DENND5A: variants seen among roughly 807,000 people sequenced by gnomAD.
The protein encoded by DENND5A is DENN domain-containing protein 5A.
A neutral mutation model predicts 140.3 loss-of-function variants in DENND5A; 64 were observed. That is an observed-to-expected ratio of 0.46 (90% confidence interval 0.37 to 0.56). DENND5A has a LOEUF of 0.56. DENND5A is among the 20% of genes least tolerant of loss of function. DENND5A has a pLI of 0.00. For synonymous variants in DENND5A, 605 were observed against 607.7 expected (o/e 1.00, Z 0.07); for missense variants, 1,292 against 1,593.8 (o/e 0.81, Z 3.22).
At position 9,174,559 on chromosome 11, in the gene DENND5A, G is replaced by A. The variant is rs559718574; in HGVS notation, c.1906+3573C>T. On this transcript the variant is annotated intron_variant, in intron 8 of 22. Transcript: ENST00000328194. ...GAAAAAAAAATTAAAAATTAGCCAG[G>A]CATGGCGGCACACATCTACTGTCCT... Among the ~76,000 whole-genome samples, 45 of 148,772 alleles carry A rather than the reference G, an allele frequency of 3.0e-4. 1 individual carries two copies. The highest frequency in any genetic ancestry group is 7.1e-3 in the Middle Eastern group (2 of 280).
At chr11:9,201,532 T>C (rs1291872605) in intron 4 of DENND5A, among the ~76,000 whole-genome samples, 2 of 152,000 alleles carry the variant, frequency 1.3e-5, no homozygotes, top group African/African-American at 2.4e-5. Context: ...TAGCCAAGCA[T>C]GGTGGTGCAT....
intron 1 of DENND5A, among the ~76,000 whole-genome samples, chr11:9,233,100 A>G (rs1469769594): frequency 6.6e-6 from 1 of 152,186 alleles, no homozygotes; most frequent in Non-Finnish European, 1.5e-5. Flanking sequence ...TCTTGCTCAC[A>G]TCCTAAGAAA....
chr11:9,265,169 G>C lies in DENND5A; in HGVS notation c.-100C>G. 5 of 612,950 alleles carry C rather than the reference G, an allele frequency of 8.2e-6. No individual in the cohort carries two copies. Among genetic ancestry groups the C allele is most frequent in the Non-Finnish European group, 8.2e-6 (4 of 488,002 alleles). The allele number at this position is 612,950 out of a possible 1,614,324, so 38.0% of individuals were successfully genotyped here. ...CCCTCAGGCCGCCCCTCCCGCCGCCGCCGCTACCGCGGCTCGGGCCGCCGC... is the reference window on the plus strand; with the variant it reads ...CCCTCAGGCCGCCCCTCCCGCCGCCCCCGCTACCGCGGCTCGGGCCGCCGC... On this transcript the variant is annotated 5_prime_UTR_variant, in exon 1 of 23. Transcript: ENST00000328194. The surrounding 1 kb of genome is among the most constrained non-coding windows in gnomAD (Gnocchi z 4.7).
chr11:9,164,462 G>A (rs1316270577), intron 11 of DENND5A, among the ~76,000 whole-genome samples: 1 of 151,926 alleles, frequency 6.6e-6, no homozygotes, highest in African/African-American at 2.4e-5. Context: ...GAAAGTGCAG[G>A]AGACTATTTT....
In DENND5A at chr11:9,203,878, A is replaced by G; in HGVS notation, c.731T>C (p.Ile244Thr). The change falls in exon 4 of 23, where the codon ATA becomes ACA. Residue 244 changes from isoleucine (I) to threonine (T), a missense_variant. Ile to Thr is a moderately conservative substitution (Grantham distance 89, BLOSUM62 -1). This residue lies in a region of DENND5A where 566 missense variants were observed against 650.4 expected (regional missense o/e 0.87). Coordinates refer to ENST00000328194, the MANE Select transcript of DENND5A (RefSeq NM_015213.4). ...QPPPLPLESYIYNVLYEVPLP... is the reference protein window; with the variant it reads ...QPPPLPLESYTYNVLYEVPLP... ...CGGCACCTCGTAGAGTACGTTGTATATGTAGCTCTCAAGGGGCAGTGGAGG... is the reference window on the plus strand; with the variant it reads ...CGGCACCTCGTAGAGTACGTTGTATGTGTAGCTCTCAAGGGGCAGTGGAGG... 3 of 1,614,160 alleles carry G rather than the reference A, an allele frequency of 1.9e-6. No individual in the cohort carries two copies. Among genetic ancestry groups the G allele is most frequent in the Non-Finnish European group, 2.5e-6 (3 of 1,180,032 alleles).
chr11:9,258,396 G>A (rs1362236391), intron 1 of DENND5A, among the ~76,000 whole-genome samples: 3 of 150,624 alleles, frequency 2.0e-5, no homozygotes, highest in Non-Finnish European at 4.4e-5. Context: ...CTGTTCTTGT[G>A]ATAGTTTGCT....
At chr11:9,235,866 G>A (rs1313895017) in intron 1 of DENND5A, among the ~76,000 whole-genome samples, 1 of 152,098 alleles carries the variant, frequency 6.6e-6, no homozygotes, top group African/African-American at 2.4e-5. Context: ...ATTTTCTTTT[G>A]AGGAGATGAA....
chr11:9,140,996 CA>C (rs1847219498), intron 22 of DENND5A, among the ~76,000 whole-genome samples: 1 of 152,148 alleles, frequency 6.6e-6, no homozygotes, highest in African/African-American at 2.4e-5. Context: ...CGTGATGGCG[CA>C]TGCCTGTAAT....
chr11:9,214,251 T>C (rs1448854759), intron 1 of DENND5A, among the ~76,000 whole-genome samples: 3 of 152,240 alleles, frequency 2.0e-5, no homozygotes, highest in African/African-American at 7.2e-5. Context: ...TTCAACTCTC[T>C]GGCTGCTCCA....
At chr11:9,176,447 A>C (rs1403777810) in intron 8 of DENND5A, among the ~76,000 whole-genome samples, 1 of 152,218 alleles carries the variant, frequency 6.6e-6, no homozygotes, top group Non-Finnish European at 1.5e-5. Flanking sequence ...AGCTGAAACC[A>C]TTCTCTAGCT....
rs1554933945 is a variant in DENND5A, at chr11:9,243,103, AAC to A, written c.109+21856_109+21857del. ...ACTCTGTCTCAAAAAAAAAAAAAAA[AAC>A]AAAAAAAAAAACTGAGGCGAGTAAG... On this transcript the variant is annotated intron_variant, in intron 1 of 22. Transcript: ENST00000328194. Among the ~76,000 whole-genome samples the A allele has an allele frequency of 1.2e-4, 16 of 138,128 alleles. 1 individual carries two copies. The highest frequency in any genetic ancestry group is 1.6e-4 in the African/African-American group (5 of 30,526). The allele number at this position is 138,128 out of a possible 152,430, so 90.6% of individuals were successfully genotyped here.
chr11:9,145,867 T>C lies in DENND5A; in HGVS notation c.2858-52A>G, dbSNP rs189091979. The C allele has an allele frequency of 4.1e-4, 661 of 1,599,128 alleles. 1 individual carries two copies. Among genetic ancestry groups the C allele is most frequent in the Non-Finnish European group, 5.3e-4 (614 of 1,167,936 alleles). ...TGAGGAGAATTAGGAATCTTTCCCA[T>C]ACCAGATGGGACTCTGACCTGCTCC... is the stretch of plus-strand genomic sequence containing the variant. On this transcript the variant is annotated intron_variant, in intron 16 of 22. Transcript: ENST00000328194.
chr11:9,221,554 T>C (rs1850312449), intron 1 of DENND5A, among the ~76,000 whole-genome samples: 2 of 151,942 alleles, frequency 1.3e-5, no homozygotes, highest in East Asian at 1.9e-4. Flanking sequence ...TTAGTAGAGA[T>C]GGGGTTTCAC....
intron 1 of DENND5A, among the ~76,000 whole-genome samples, chr11:9,249,997 T>C (rs1271407542): frequency 6.6e-6 from 1 of 151,556 alleles, no homozygotes; most frequent in Non-Finnish European, 1.5e-5. Flanking sequence ...CAATTATTCT[T>C]TCTAAACCAT....
chr11:9,144,333 G>A, intron 18 of DENND5A, 55 bp from the exon 19 acceptor site: 4 of 1,577,432 alleles, frequency 2.5e-6, no homozygotes, highest in Non-Finnish European at 3.5e-6. Context: ...GCTGCTCACA[G>A]GAAGAGCCAT....
At position 9,223,053 on chromosome 11, in the gene DENND5A, T is replaced by C. The variant is rs188504207; in HGVS notation, c.110-15421A>G. Among the ~76,000 whole-genome samples the C allele has an allele frequency of 1.1e-4, 17 of 152,336 alleles. No homozygotes were observed. In the East Asian group the frequency reaches 2.9e-3, roughly 26 times the overall value. On this transcript the variant is annotated intron_variant, in intron 1 of 22. Transcript: ENST00000328194. ...GTAAAGTAGAAAGAGTTCTTGATTG[T>C]AGAATGATCTAGAATACAAGCTGCT...
chr11:9,205,334 A>G (rs934473465), intron 3 of DENND5A, among the ~76,000 whole-genome samples: 2 of 152,186 alleles, frequency 1.3e-5, no homozygotes, highest in Non-Finnish European at 2.9e-5. Flanking sequence ...TACAAATAAA[A>G]TATGATATCC....
At chr11:9,247,842 TC>T (rs1180517808) in intron 1 of DENND5A, among the ~76,000 whole-genome samples, 1 of 152,100 alleles carries the variant, frequency 6.6e-6, no homozygotes, top group East Asian at 1.9e-4. Flanking sequence ...GACTCAAATT[TC>T]CCCCACAAAA....
intron 5 of DENND5A, among the ~76,000 whole-genome samples, chr11:9,192,303 CCCTCACTTATATT>C (rs1374250766): frequency 2.0e-5 from 3 of 152,032 alleles, no homozygotes; most frequent in Non-Finnish European, 1.5e-5. Flanking sequence ...TTCTTGGGGC[CCCTCACTTATATT>C]CCTCACTTAT....
Sources: allele counts gnomAD v4.1 joint callset (sites outside exome capture counted in the v4.1 genomes callset), GRCh38; gene constraint gnomAD v4.1.1; regional missense constraint gnomAD v4.1.1; non-coding constraint Gnocchi (gnomAD v3.1); transcripts MANE v1.5; gene names NCBI Gene and HGNC (gene_info 2026-07-23, HGNC 2026-07-21).